Variants in CRPPA observed in about 807,000 individuals in gnomAD.
CRPPA encodes CDP-L-ribitol pyrophosphorylase A.
Under a neutral mutation model 52.0 loss-of-function variants are expected in CRPPA, and 43 were observed. The observed-to-expected ratio is 0.83, with a 90% CI of 0.65 to 1.07. The LOEUF (loss-of-function observed/expected upper bound fraction) is 1.07, where lower values mean the gene tolerates loss of function less well. Ranked by LOEUF, CRPPA falls within the 50% of genes least tolerant of loss-of-function variation. The pLI is 0.00. For missense variants in CRPPA, 629 were observed against 551.7 expected, an observed-to-expected ratio of 1.14 and a Z score of -1.40; for synonymous variants, 250 against 203.5, an observed-to-expected ratio of 1.23 and a Z score of -1.94.
At chr7:16,300,038 C>T (rs1784761198) in intron 5 of CRPPA, among the ~76,000 whole-genome samples, 1 of 152,186 alleles carries the variant, frequency 6.6e-6, no homozygotes, top group Non-Finnish European at 1.5e-5. Flanking sequence ...ATTCAGCCGA[C>T]TTTTCCAGAG....
At chr7:16,099,559 G>C (rs12533693) in intron 9 of CRPPA, among the ~76,000 whole-genome samples, 50,329 of 151,802 alleles carry the variant, frequency 0.33, 9,731 homozygotes, top group South Asian at 0.54. Flanking sequence ...ATAAAATTCA[G>C]TAAAACCCTG....
chr7:16,175,573 G>A (rs1034853779), intron 9 of CRPPA, among the ~76,000 whole-genome samples: 3 of 152,170 alleles, frequency 2.0e-5, no homozygotes, highest in Non-Finnish European at 4.4e-5. Context: ...AGAACTGTGA[G>A]AACAATTTGT....
At chr7:16,406,888 C>G (rs1327660645) in intron 1 of CRPPA, among the ~76,000 whole-genome samples, 4 of 152,064 alleles carry the variant, frequency 2.6e-5, no homozygotes, top group Admixed American at 2.6e-4. Flanking sequence ...AATATTGTAG[C>G]AATAAGGTTT....
intron 9 of CRPPA, among the ~76,000 whole-genome samples, chr7:16,110,740 C>T (rs1168221000): frequency 6.6e-6 from 1 of 151,966 alleles, no homozygotes; most frequent in African/African-American, 2.4e-5. Flanking sequence ...CCTAGATATC[C>T]ACATTCAGAA....
At chr7:16,137,212 G>A (rs117838684) in intron 9 of CRPPA, among the ~76,000 whole-genome samples, 7 of 152,272 alleles carry the variant, frequency 4.6e-5, no homozygotes, top group African/African-American at 9.6e-5. Flanking sequence ...AAGCTGCCTC[G>A]CTTATCTTCC....
chr7:16,299,468 C>T (rs1784744310), intron 5 of CRPPA, among the ~76,000 whole-genome samples: 1 of 152,120 alleles, frequency 6.6e-6, no homozygotes, highest in Non-Finnish European at 1.5e-5. Flanking sequence ...AATGTATATT[C>T]TGACTGAATG....
chr7:16,193,176 G>A (rs1185482948), intron 9 of CRPPA, among the ~76,000 whole-genome samples: 1 of 152,072 alleles, frequency 6.6e-6, no homozygotes, highest in African/African-American at 2.4e-5. Flanking sequence ...CATGATATAC[G>A]TATCCATTTA....
chr7:16,370,231 G>T (rs1420742858), intron 3 of CRPPA, among the ~76,000 whole-genome samples: 2 of 152,222 alleles, frequency 1.3e-5, no homozygotes, highest in African/African-American at 4.8e-5. Context: ...CAGAACCCAA[G>T]GGTAAGCTGG....
At chr7:16,295,467 C>G (rs1002592993) in intron 5 of CRPPA, among the ~76,000 whole-genome samples, 3 of 151,944 alleles carry the variant, frequency 2.0e-5, no homozygotes, top group Non-Finnish European at 4.4e-5. Context: ...CACCATGAGG[C>G]AGTTTTGTAG....
chr7:16,235,462 G>T (rs558063716), intron 8 of CRPPA, among the ~76,000 whole-genome samples: 3 of 151,984 alleles, frequency 2.0e-5, no homozygotes. Context: ...AATCAGCAAA[G>T]TATGGGTCAA....
At chr7:16,210,674 C>T (rs1352472717) in intron 9 of CRPPA, 1 of 152,126 alleles carries the variant, frequency 6.6e-6, no homozygotes, top group Non-Finnish European at 1.5e-5. Context: ...AGACCCAGAG[C>T]TTGAGGACCC....
chr7:16,137,778 T>C (rs1173987495), intron 9 of CRPPA, among the ~76,000 whole-genome samples: 1 of 152,308 alleles, frequency 6.6e-6, no homozygotes. Context: ...GAAAACTATC[T>C]TGGGAATAAA....
Position 16,278,157 on chromosome 7 carries a change from A to C in CRPPA, c.905T>G (p.Leu302Arg), listed in dbSNP as rs747622460. ...TAATTCACTTTTCAGCACTTCTTCA[A>C]GAAGATGACCTACATGTTTGTTATC... is the stretch of plus-strand genomic sequence containing the variant. Reference protein sequence around the residue: ...EEDNKHVGHLLEEVLKSELNH... With the variant: ...EEDNKHVGHLREEVLKSELNH... The change falls in exon 6 of 10, where the codon CTT becomes CGT. Residue 302 changes from leucine to arginine, a missense_variant. Physicochemically the swap from Leu to Arg is moderately radical, Grantham distance 102. Transcript: ENST00000407010. 1.3e-6 allele frequency: 2 copies of C among 1,574,010 alleles called. No homozygotes were observed. Among genetic ancestry groups the C allele is most frequent in the African/African-American group, 1.3e-5 (1 of 74,230 alleles).
chr7:16,341,763 A>C (rs897267553), intron 3 of CRPPA, among the ~76,000 whole-genome samples: 3 of 152,212 alleles, frequency 2.0e-5, no homozygotes, highest in African/African-American at 7.2e-5. Flanking sequence ...TCAACAATGA[A>C]TATCTTAGAG....
chr7:16,147,826 T>C (rs1011146677), intron 9 of CRPPA, among the ~76,000 whole-genome samples: 1 of 152,180 alleles, frequency 6.6e-6, no homozygotes, highest in Non-Finnish European at 1.5e-5. Flanking sequence ...TAAAACTTGA[T>C]ATTCATCCAT....
intron 2 of CRPPA, among the ~76,000 whole-genome samples, chr7:16,398,516 G>A (rs1037065140): frequency 1.3e-5 from 2 of 152,104 alleles, no homozygotes; most frequent in African/African-American, 4.8e-5. Context: ...GATTGGCATA[G>A]GTCCAAAATG....
intron 3 of CRPPA, among the ~76,000 whole-genome samples, chr7:16,314,932 T>C (rs12699778): frequency 0.39 from 59,228 of 151,948 alleles, 13,698 homozygotes; most frequent in South Asian, 0.56. Context: ...AACATTGATT[T>C]GGAGAAATTT....
intron 8 of CRPPA, among the ~76,000 whole-genome samples, chr7:16,246,076 T>C (rs941800513): frequency 1.3e-5 from 2 of 152,214 alleles, no homozygotes; most frequent in African/African-American, 4.8e-5. Context: ...AATGGGATAC[T>C]GTTTGATAGC....
At chr7:16,281,426 T>C (rs1462740163) in intron 5 of CRPPA, among the ~76,000 whole-genome samples, 5 of 152,226 alleles carry the variant, frequency 3.3e-5, no homozygotes, top group Admixed American at 2.0e-4. Flanking sequence ...GTTTTATAGA[T>C]TTTAACTTCT....
Sources: gnomAD v4.1 joint callset for allele counts (sites outside exome capture counted in the v4.1 genomes callset) on GRCh38, gnomAD v4.1.1 for gene constraint, MANE v1.5 for transcripts, NCBI Gene and HGNC (gene_info 2026-07-23, HGNC 2026-07-21) for gene names.